DPP10: variants seen among roughly 807,000 people sequenced by gnomAD.
DPP10 encodes dipeptidyl peptidase like 10, also known as inactive dipeptidyl peptidase 10.
Under a neutral mutation model 120.9 loss-of-function variants are expected in DPP10, and 33 were observed. The observed-to-expected ratio is 0.27, with a 90% CI of 0.21 to 0.37. The LOEUF (loss-of-function observed/expected upper bound fraction) is 0.37, where lower values mean the gene tolerates loss of function less well. Among genes scored for constraint, DPP10 ranks in the 10% least tolerant of loss-of-function variants. The probability of loss-of-function intolerance (pLI) is 1.00; values close to 1 mark genes in which losing one functional copy is unlikely to be tolerated. For synonymous variants in DPP10, 337 were observed against 326.1 expected (o/e 1.03, Z -0.36); for missense variants, 816 against 942.8 (o/e 0.87, Z 1.76).
At chr2:114,715,445 C>G (rs995528151) in intron 1 of DPP10, among the ~76,000 whole-genome samples, 1 of 151,978 alleles carries the variant, frequency 6.6e-6, no homozygotes, top group Non-Finnish European at 1.5e-5. Context: ...TTAAGACACT[C>G]TTTTCCACAG....
chr2:115,776,157 G>C (rs1484749437), intron 13 of DPP10, among the ~76,000 whole-genome samples: 3 of 152,082 alleles, frequency 2.0e-5, no homozygotes, highest in African/African-American at 7.2e-5. Context: ...GTTTTTAGCT[G>C]TTGTTGTTTT....
intron 5 of DPP10, among the ~76,000 whole-genome samples, chr2:115,529,163 T>A (rs1026898205): frequency 2.8e-5 from 4 of 143,736 alleles, no homozygotes; most frequent in East Asian, 2.0e-4. Flanking sequence ...ATAAGGCAAA[T>A]TTTTTTTTTT....
chr2:115,818,344 G>A (rs1575880123), intron 21 of DPP10, among the ~76,000 whole-genome samples: 1 of 152,204 alleles, frequency 6.6e-6, no homozygotes, highest in African/African-American at 2.4e-5. Flanking sequence ...AGTACATGCA[G>A]TAGGGAATAT....
intron 1 of DPP10, among the ~76,000 whole-genome samples, chr2:115,270,918 G>T (rs986966776): frequency 6.6e-6 from 1 of 151,952 alleles, no homozygotes; most frequent in East Asian, 1.9e-4. Context: ...TCATTAAAAA[G>T]CTGCAAATTA....
At chr2:115,028,663 C>G (rs1169702726) in intron 1 of DPP10, among the ~76,000 whole-genome samples, 3 of 151,878 alleles carry the variant, frequency 2.0e-5, no homozygotes, top group African/African-American at 7.2e-5. Flanking sequence ...TTGATGTCCC[C>G]TACTCTTACT....
chr2:114,890,230 G>T (rs760393296), intron 1 of DPP10, among the ~76,000 whole-genome samples: 6 of 152,154 alleles, frequency 3.9e-5, no homozygotes, highest in Non-Finnish European at 5.9e-5. Flanking sequence ...TGAATTTGAG[G>T]CAGGAGCACG....
chr2:115,745,677 CCT>C (rs964147619), intron 9 of DPP10, among the ~76,000 whole-genome samples: 2 of 149,542 alleles, frequency 1.3e-5, no homozygotes, highest in Admixed American at 7.1e-5. Context: ...CTTCATTTCT[CCT>C]CTTTTTTTTT....
intron 5 of DPP10, among the ~76,000 whole-genome samples, chr2:115,539,504 C>G (rs957588020): frequency 6.6e-6 from 1 of 151,908 alleles, no homozygotes; most frequent in African/African-American, 2.4e-5. Flanking sequence ...GCAAGGAAAT[C>G]TACCATGGGT....
chr2:115,095,521 A>G (rs1709647815), intron 1 of DPP10, among the ~76,000 whole-genome samples: 1 of 151,456 alleles, frequency 6.6e-6, no homozygotes, highest in African/African-American at 2.4e-5. Context: ...AGTAAGATCT[A>G]TTCAGGAAAA....
intron 1 of DPP10, among the ~76,000 whole-genome samples, chr2:114,760,155 A>G (rs1458864106): frequency 2.0e-5 from 3 of 152,112 alleles, no homozygotes; most frequent in South Asian, 2.1e-4. Context: ...CCTCTTTACC[A>G]GGCAGGTGCG....
chr2:114,849,442 T>G lies in DPP10; in HGVS notation c.60+406604T>G, dbSNP rs1337966131. 2.0e-5 allele frequency among the ~76,000 whole-genome samples: 3 copies of G among 152,120 alleles called. 1 individual carries two copies. The highest frequency in any genetic ancestry group is 1.3e-4 in the Admixed American group (2 of 15,264). On this transcript the variant is annotated intron_variant, in intron 1 of 25. Transcript: ENST00000410059. The stretch of plus-strand genomic sequence containing the variant: ...ATGGCTCACGGCAGCCTCAACCTCC[T>G]GGGCTCAAATGATCCTCCTGCTTCA...
At chr2:115,802,621 G>T (rs1685398839) in intron 19 of DPP10, among the ~76,000 whole-genome samples, 1 of 152,118 alleles carries the variant, frequency 6.6e-6, no homozygotes, top group African/African-American at 2.4e-5. Context: ...AGAGATTCTG[G>T]TATATTGTGT....
intron 3 of DPP10, among the ~76,000 whole-genome samples, chr2:115,346,648 C>T (rs1415515645): frequency 6.6e-6 from 1 of 152,106 alleles, no homozygotes; most frequent in Non-Finnish European, 1.5e-5. Context: ...GAAAACCCAT[C>T]TTATTTAAAA....
chr2:114,458,559 T>C (rs909979516), intron 1 of DPP10, among the ~76,000 whole-genome samples: 1 of 152,206 alleles, frequency 6.6e-6, no homozygotes, highest in African/African-American at 2.4e-5. Flanking sequence ...TTGCTAACAA[T>C]GTGCGCTTTG....
At chr2:114,730,214 T>C (rs186447812) in intron 1 of DPP10, among the ~76,000 whole-genome samples, 117 of 152,362 alleles carry the variant, frequency 7.7e-4, no homozygotes, top group African/African-American at 2.6e-3. Context: ...GCCACTTTAA[T>C]AGGCATTGAC....
intron 1 of DPP10, among the ~76,000 whole-genome samples, chr2:114,748,405 A>ATTT (rs70941005): frequency 4.5e-5 from 5 of 110,676 alleles, no homozygotes; most frequent in African/African-American, 1.7e-4. Context: ...TTTATTTTAA[A>ATTT]TTTTTTTTTT....
intron 1 of DPP10, among the ~76,000 whole-genome samples, chr2:114,563,967 C>T (rs1461225065): frequency 2.0e-5 from 3 of 152,084 alleles, no homozygotes; most frequent in East Asian, 1.9e-4. Context: ...GGATGGAGCT[C>T]GCAGCTCACC....
At chr2:115,565,511 A>G (rs892751786) in intron 5 of DPP10, among the ~76,000 whole-genome samples, 1 of 152,048 alleles carries the variant, frequency 6.6e-6, no homozygotes, top group South Asian at 2.1e-4. Context: ...TCATATTCAT[A>G]TTTTGCCAAT....
chr2:114,668,860 TTCTC>T (rs772066090), intron 1 of DPP10, among the ~76,000 whole-genome samples: 25 of 152,130 alleles, frequency 1.6e-4, no homozygotes, highest in Non-Finnish European at 3.7e-4. Context: ...CTTTATTATT[TTCTC>T]TCTCTCCTGT....
Sources: allele counts gnomAD v4.1 joint callset (sites outside exome capture counted in the v4.1 genomes callset), GRCh38; gene constraint gnomAD v4.1.1; transcripts MANE v1.5; gene names NCBI Gene and HGNC (gene_info 2026-07-23, HGNC 2026-07-21).